The following LRP1-AS variants were observed in gnomAD, a reference collection of about 807,000 sequenced individuals.
The protein encoded by LRP1-AS is LRP1 antisense RNA.
In LRP1-AS at chr12:57,144,948, A is replaced by G. The variant is rs749356472; in HGVS notation, n.317T>C. The G allele has an allele frequency of 1.9e-6, 3 of 1,610,066 alleles. No individual in the cohort carries two copies. In the South Asian group the frequency reaches 3.3e-5, roughly 18 times the overall value. On this transcript the variant is annotated non_coding_transcript_exon_variant, in exon 2 of 2. Coordinates refer to ENST00000555461, the Ensembl canonical transcript of LRP1-AS. ...TGCCCTTGTCACACTGGAAATGACC[A>G]CATTCTTGCCCTTTCCTCGGCAGAT...
Position 57,145,071 on chromosome 12 carries a change from C to T in LRP1-AS, n.194G>A, listed in dbSNP as rs79597834. Reference sequence around the variant, plus strand: ...TGTGTTGAAGGATACCTCCTGCAGCCGGATAACCGCTCCTGCAAGGCCAAG... The same window carrying T: ...TGTGTTGAAGGATACCTCCTGCAGCTGGATAACCGCTCCTGCAAGGCCAAG... On this transcript the variant is annotated non_coding_transcript_exon_variant, in exon 2 of 2. Coordinates refer to ENST00000555461, the Ensembl canonical transcript of LRP1-AS. 1.4e-5 allele frequency: 22 copies of T among 1,613,956 alleles called. No homozygotes were observed. Among genetic ancestry groups the T allele is most frequent in the East Asian group, 8.9e-5 (4 of 44,882 alleles).
chr12:57,146,048 T>A (rs960004265), intron 1 of LRP1-AS, among the ~76,000 whole-genome samples: 1 of 152,050 alleles, frequency 6.6e-6, no homozygotes, highest in Non-Finnish European at 1.5e-5. Context: ...GTGAGCCACA[T>A]GAGATTTTAG....
At chr12:57,146,396 G>C (rs1305837979) in intron 1 of LRP1-AS, 1 of 152,228 alleles carries the variant, frequency 6.6e-6, no homozygotes, top group African/African-American at 2.4e-5. Flanking sequence ...TAATGGGTTT[G>C]AGCTTGTCTG....
At chr12:57,145,010 C>G in exon 2 of LRP1-AS, 1 of 1,614,150 alleles carries the variant, frequency 6.2e-7, no homozygotes, top group Non-Finnish European at 8.5e-7. Context: ...CTGCAGCCAG[C>G]TATGCACCAA....
chr12:57,147,555 T>C (rs1377056383), exon 1 of LRP1-AS: 1 of 152,238 alleles, frequency 6.6e-6, no homozygotes, highest in Non-Finnish European at 1.5e-5. Context: ...AAGCCTTCCA[T>C]TCTGTGCTGT....
chr12:57,144,852 C>T, exon 2 of LRP1-AS: 1 of 992,840 alleles, frequency 1.0e-6, no homozygotes, highest in Non-Finnish European at 1.6e-6. Flanking sequence ...GTAATAGATT[C>T]TGCCGAACTG....
At chr12:57,145,849 G>A (rs1043204684) in intron 1 of LRP1-AS, among the ~76,000 whole-genome samples, 1 of 152,184 alleles carries the variant, frequency 6.6e-6, no homozygotes, top group African/African-American at 2.4e-5. Flanking sequence ...AAGAAGGAGC[G>A]GAAGCCTGAG....
Position 57,145,960 on chromosome 12 carries a change from C to T in LRP1-AS, n.182-877G>A, listed in dbSNP as rs545317365. On this transcript the variant is annotated intron_variant and non_coding_transcript_variant, in intron 1 of 1. Transcript: ENST00000555461. ...TCGGGGACCATTGCCAATGGACTCT[C>T]TGCTGCCATCGGGGGAGGGCAGTAC... Among the ~76,000 whole-genome samples the T allele has an allele frequency of 9.4e-4, 143 of 152,300 alleles. 2 individuals are homozygous for T. In the Middle Eastern group the frequency reaches 0.027, roughly 29 times the overall value.
rs560410086 is a variant in LRP1-AS at position 57,144,709 on chromosome 12, C to A, written n.556G>T. On this transcript the variant is annotated non_coding_transcript_exon_variant, in exon 2 of 2. Coordinates refer to ENST00000555461, the Ensembl canonical transcript of LRP1-AS. ...TCTATTTTAAAGTTCACTGATGCAC[C>A]CCTGGCACCTGACCCATAGTAGGGA... The A allele has an allele frequency of 2.0e-5, 10 of 500,496 alleles. No individual in the cohort carries two copies. In the South Asian group the frequency reaches 2.4e-4, roughly 12 times the overall value. The allele number at this position is 500,496 out of a possible 1,614,324, so 31.0% of individuals were successfully genotyped here.
At position 57,145,362 on chromosome 12, in the gene LRP1-AS, C is replaced by T. The variant is rs138358068; in HGVS notation, n.182-279G>A. On this transcript the variant is annotated intron_variant and non_coding_transcript_variant, in intron 1 of 1. Coordinates refer to ENST00000555461, the Ensembl canonical transcript of LRP1-AS. Reference sequence around the variant, plus strand: ...ACCACAGCCATGGACTTCAGCTATGCCAACGAGACCGTATGCTGGGTGCAT... The same window carrying T: ...ACCACAGCCATGGACTTCAGCTATGTCAACGAGACCGTATGCTGGGTGCAT... The T allele has an allele frequency of 2.0e-5, 33 of 1,614,056 alleles. No individual in the cohort carries two copies. The highest frequency in any genetic ancestry group is 8.5e-6 in the Non-Finnish European group (10 of 1,180,046).
At chr12:57,144,643 T>G in exon 2 of LRP1-AS, 1 of 304,872 alleles carries the variant, frequency 3.3e-6, no homozygotes, top group East Asian at 6.5e-5. Context: ...TATATTTCAT[T>G]TATTATCTGA....
chr12:57,145,387 T>A (rs1458851914), intron 1 of LRP1-AS: 1 of 1,613,970 alleles, frequency 6.2e-7, no homozygotes, highest in Non-Finnish European at 8.5e-7. Context: ...GCTGGGTGCA[T>A]GTTGGGGACA....
At chr12:57,145,098 A>T in intron 1 of LRP1-AS, 1 of 1,613,932 alleles carries the variant, frequency 6.2e-7, no homozygotes, top group Non-Finnish European at 8.5e-7. Context: ...AAGGCCAAGA[A>T]CGGTGGGTGG....
intron 1 of LRP1-AS, among the ~76,000 whole-genome samples, chr12:57,145,728 G>A (rs145120418): frequency 7.2e-5 from 11 of 152,296 alleles, no homozygotes; most frequent in African/African-American, 2.6e-4. Flanking sequence ...AGGGCTGAGG[G>A]GGCAGTGAAT....
chr12:57,146,893 T>C (rs2035420230), intron 1 of LRP1-AS, among the ~76,000 whole-genome samples: 1 of 151,336 alleles, frequency 6.6e-6, no homozygotes, highest in Non-Finnish European at 1.5e-5. Context: ...TCCACTGACC[T>C]ACTCAACAGG....
intron 1 of LRP1-AS, among the ~76,000 whole-genome samples, chr12:57,145,744 A>G (rs550498279): frequency 6.6e-6 from 1 of 152,244 alleles, no homozygotes; most frequent in South Asian, 2.1e-4. Context: ...TGAATGGTCA[A>G]TCTCCAGAGA....
At chr12:57,144,636 A>G (rs893908293) in exon 2 of LRP1-AS, 2 of 288,916 alleles carry the variant, frequency 6.9e-6, no homozygotes, top group South Asian at 1.0e-4. Flanking sequence ...TAGTAACTAT[A>G]TTTCATTTAT....
At chr12:57,145,079 C>T (rs914410104) in exon 2 of LRP1-AS, 10 of 1,613,876 alleles carry the variant, frequency 6.2e-6, no homozygotes, top group East Asian at 2.2e-5. Flanking sequence ...GCCGGATAAC[C>T]GCTCCTGCAA....
rs1268028699 is a variant in LRP1-AS at position 57,145,171 on chromosome 12, C to T, written n.182-88G>A. On this transcript the variant is annotated intron_variant and non_coding_transcript_variant, in intron 1 of 1. Coordinates refer to ENST00000555461, the Ensembl canonical transcript of LRP1-AS. ...ATGCTGTTCCCTGGTGGGTGGTGGC[C>T]TGAGAGGTGGTCCTAGAGCCCTGGC... 8 of 1,613,288 alleles carry T rather than the reference C, an allele frequency of 5.0e-6. No homozygotes were observed. In the African/African-American group the frequency reaches 8.0e-5, roughly 16 times the overall value.
Sources: gnomAD v4.1 joint callset for allele counts (sites outside exome capture counted in the v4.1 genomes callset) on GRCh38, gnomAD v4.1.1 for gene constraint, MANE v1.5 for transcripts, NCBI Gene and HGNC (gene_info 2026-07-23, HGNC 2026-07-21) for gene names.